NBEA: variants seen among roughly 807,000 people sequenced by gnomAD.
The protein encoded by NBEA is neurobeachin.
In NBEA, 44 loss-of-function variants were observed where a neutral mutation model predicts 343.4. The observed-to-expected ratio is 0.13, with a 90% CI of 0.10 to 0.16. The LOEUF (loss-of-function observed/expected upper bound fraction) is 0.16, where lower values mean the gene tolerates loss of function less well. Among genes scored for constraint, NBEA ranks in the 10% least tolerant of loss-of-function variants. NBEA has a pLI of 1.00. For missense variants in NBEA, 2,555 were observed against 3,631.3 expected, an observed-to-expected ratio of 0.70 and a Z score of 7.62; for synonymous variants, 1,175 against 1,238.7, an observed-to-expected ratio of 0.95 and a Z score of 1.08.
intron 17 of NBEA, among the ~76,000 whole-genome samples, chr13:35,137,450 CAA>C (rs1165178225): frequency 5.0e-5 from 5 of 99,764 alleles, no homozygotes; most frequent in Non-Finnish European, 4.3e-5. Context: ...ACACAGTCTC[CAA>C]AAAAAAAAAA....
chr13:35,472,340 G>T, intron 40 of NBEA, 60 bp from the exon 41 acceptor site: 6 of 1,561,616 alleles, frequency 3.8e-6, no homozygotes, highest in Non-Finnish European at 4.3e-6. Flanking sequence ...GTACCTTTCT[G>T]GGAGGGAGCA....
intron 27 of NBEA, among the ~76,000 whole-genome samples, chr13:35,176,498 A>G (rs557563846): frequency 1.3e-5 from 2 of 152,142 alleles, no homozygotes; most frequent in South Asian, 2.1e-4. Flanking sequence ...GTTGGTAACA[A>G]TCTTTAATGT....
At chr13:35,191,909 G>A (rs1011535206) in intron 30 of NBEA, among the ~76,000 whole-genome samples, 1 of 152,022 alleles carries the variant, frequency 6.6e-6, no homozygotes, top group Non-Finnish European at 1.5e-5. Context: ...GATATGTGAA[G>A]TCACCGTGTA....
intron 43 of NBEA, among the ~76,000 whole-genome samples, 161 bp downstream of exon 43, chr13:35,551,193 TA>T (rs149618944): frequency 0.033 from 5,070 of 152,264 alleles, 112 homozygotes; most frequent in South Asian, 0.1. Context: ...TGAAAATAGC[TA>T]TTTTGAGAAT....
At chr13:34,961,077 G>A (rs1593290172) in intron 1 of NBEA, among the ~76,000 whole-genome samples, 2 of 151,992 alleles carry the variant, frequency 1.3e-5, no homozygotes, top group South Asian at 2.1e-4. Flanking sequence ...GAATTCCAAC[G>A]AAAGAATGGT....
At position 35,039,988 on chromosome 13, in the gene NBEA, C is replaced by T. The variant is rs532263102; in HGVS notation, c.295-945C>T. Among the ~76,000 whole-genome samples, 4 of 152,262 alleles carry T rather than the reference C, an allele frequency of 2.6e-5. 1 individual carries two copies. In the South Asian group the frequency reaches 8.3e-4, roughly 32 times the overall value. ...GTTAGTGCATGGTTTTTATCTTGGACATTCATATATTCTAGTTCCAGAACA... is the reference window on the plus strand; with the variant it reads ...GTTAGTGCATGGTTTTTATCTTGGATATTCATATATTCTAGTTCCAGAACA... On this transcript the variant is annotated intron_variant, in intron 1 of 58. Coordinates refer to ENST00000379939, the MANE Select transcript of NBEA (RefSeq NM_001385012.1).
intron 38 of NBEA, among the ~76,000 whole-genome samples, chr13:35,425,772 G>A (rs145801944): frequency 0.022 from 3,299 of 152,278 alleles, 144 homozygotes; most frequent in African/African-American, 0.076. Context: ...TTATTATTGT[G>A]TGGGAGTCTG....
At position 35,184,053 on chromosome 13, in the gene NBEA, G is replaced by A. The variant is rs2071508528; in HGVS notation, c.4909G>A (p.Gly1637Ser). 2 of 1,610,440 alleles carry A rather than the reference G, an allele frequency of 1.2e-6. No individual in the cohort carries two copies. Among genetic ancestry groups the A allele is most frequent in the Non-Finnish European group, 1.7e-6 (2 of 1,177,682 alleles). The change falls in exon 30 of 59, where the codon GGC (glycine) becomes AGC (serine). Residue 1637 changes from glycine to serine, a missense_variant. This residue lies in a region of NBEA where 270 missense variants were observed against 293.3 expected (regional missense o/e 0.92). Coordinates refer to ENST00000379939, the MANE Select transcript of NBEA (RefSeq NM_001385012.1). Reference sequence around the variant, plus strand: ...CAAGTTAATTCCTGAGCAGAGCTTTGGCCACTCATTTTACAAAGGTAATAC... The same window carrying A: ...CAAGTTAATTCCTGAGCAGAGCTTTAGCCACTCATTTTACAAAGGTAATAC... ...LAKLIPEQSF[G>S]HSFYKETPAA...
chr13:35,265,109 G>C (rs2033561647), intron 34 of NBEA, among the ~76,000 whole-genome samples: 1 of 151,760 alleles, frequency 6.6e-6, no homozygotes. Flanking sequence ...ATTTGTGAAA[G>C]AAATCAAGAA....
chr13:35,443,329 C>T (rs1037095117), intron 39 of NBEA, among the ~76,000 whole-genome samples: 1 of 151,994 alleles, frequency 6.6e-6, no homozygotes. Context: ...ACCATAAGTG[C>T]CATGAATTAC....
chr13:35,646,222 C>A, intron 50 of NBEA, 37 bp from the exon 51 acceptor site: 1 of 1,432,384 alleles, frequency 7.0e-7, no homozygotes, highest in Non-Finnish European at 9.8e-7. Flanking sequence ...CTCTTTGATG[C>A]ATATTGATTA....
At chr13:35,463,123 G>A (rs2046994215) in intron 40 of NBEA, among the ~76,000 whole-genome samples, 1 of 152,146 alleles carries the variant, frequency 6.6e-6, no homozygotes, top group Non-Finnish European at 1.5e-5. Context: ...GGTTTAAAGG[G>A]CAGCCAATGA....
At chr13:35,437,358 C>T (rs762931945) in intron 39 of NBEA, among the ~76,000 whole-genome samples, 5 of 152,060 alleles carry the variant, frequency 3.3e-5, no homozygotes, top group African/African-American at 2.4e-5. Flanking sequence ...AATTTTATTT[C>T]ATATTTACTT....
intron 1 of NBEA, among the ~76,000 whole-genome samples, chr13:34,974,022 C>T (rs759145953): frequency 7.2e-5 from 11 of 152,158 alleles, no homozygotes; most frequent in Non-Finnish European, 1.0e-4. Flanking sequence ...GAAGGGATCT[C>T]TCCTGACCTG....
chr13:35,034,562 C>T (rs1338496128), intron 1 of NBEA, among the ~76,000 whole-genome samples: 3 of 151,652 alleles, frequency 2.0e-5, no homozygotes, highest in Non-Finnish European at 4.4e-5. Context: ...GTATTCCTTC[C>T]TCCTCCATTT....
chr13:35,278,106 T>A (rs981270511), intron 34 of NBEA, among the ~76,000 whole-genome samples: 1 of 147,336 alleles, frequency 6.8e-6, no homozygotes, highest in African/African-American at 2.5e-5. Flanking sequence ...TATATATATA[T>A]AAAATATATA....
chr13:35,476,617 A>C, intron 41 of NBEA: 1 of 507,878 alleles, frequency 2.0e-6, no homozygotes, highest in Non-Finnish European at 3.6e-6. Flanking sequence ...AAATGGAGGA[A>C]AAGTGTGCTG....
chr13:35,492,476 G>T (rs1436823720), intron 41 of NBEA, among the ~76,000 whole-genome samples: 4 of 151,970 alleles, frequency 2.6e-5, no homozygotes, highest in Non-Finnish European at 5.9e-5. Context: ...AGAGGTTAAA[G>T]TTAAAATGAA....
chr13:35,369,860 C>G (rs2041330057), intron 38 of NBEA, among the ~76,000 whole-genome samples: 2 of 151,938 alleles, frequency 1.3e-5, no homozygotes, highest in Non-Finnish European at 2.9e-5. Context: ...CCTGATTGCT[C>G]TGTTCAGGAC....
Sources: gnomAD v4.1 joint callset for allele counts (sites outside exome capture counted in the v4.1 genomes callset) on GRCh38, gnomAD v4.1.1 for gene constraint, gnomAD v4.1.1 regional missense constraint, MANE v1.5 for transcripts, NCBI Gene and HGNC (gene_info 2026-07-23, HGNC 2026-07-21) for gene names.